The following HTT variants were observed in gnomAD, a reference collection of about 807,000 sequenced individuals.
HTT encodes the protein huntingtin, also known as huntington disease protein.
HTT carries 104 observed loss-of-function variants against 362.3 expected under a neutral mutation model. The observed-to-expected ratio is 0.29, with a 90% CI of 0.24 to 0.34. HTT has a LOEUF of 0.34. HTT is among the 10% of genes least tolerant of loss of function. HTT has a pLI of 1.00. For missense variants in HTT, 3,301 were observed against 3,928.6 expected, an observed-to-expected ratio of 0.84 and a Z score of 4.27; for synonymous variants, 1,577 against 1,548.7, an observed-to-expected ratio of 1.02 and a Z score of -0.43.
chr4:3,121,472 C>G, intron 9 of HTT, 40 bp downstream of exon 9: 5 of 1,378,748 alleles, frequency 3.6e-6, no homozygotes, highest in Non-Finnish European at 5.2e-6. Flanking sequence ...ATTAACTTTG[C>G]AGTAATACTA....
rs750079057 is a variant in HTT, at chr4:3,220,314, C to T, written c.7369+6C>T. On this transcript the variant is annotated splice_donor_region_variant and intron_variant, in intron 53 of 66. Transcript: ENST00000355072. ...CTACCGCATCAACACACTAGGTACTCTTGGGGCCTCTCCTTCAGGTCACCA... is the reference window on the plus strand; with the variant it reads ...CTACCGCATCAACACACTAGGTACTTTTGGGGCCTCTCCTTCAGGTCACCA... 2 of 1,610,290 alleles carry T rather than the reference C, an allele frequency of 1.2e-6. No individual in the cohort carries two copies. Among genetic ancestry groups the T allele is most frequent in the South Asian group, 2.2e-5 (2 of 90,990 alleles).
intron 2 of HTT, among the ~76,000 whole-genome samples, chr4:3,097,987 A>G (rs1713948137): frequency 6.6e-6 from 1 of 152,246 alleles, no homozygotes; most frequent in African/African-American, 2.4e-5. Context: ...TTATTTCTTC[A>G]CATTAATTAC....
chr4:3,209,398 A>T (rs79364509), intron 46 of HTT, among the ~76,000 whole-genome samples: 169 of 152,312 alleles, frequency 1.1e-3, no homozygotes, highest in African/African-American at 3.8e-3. Flanking sequence ...TCAGCTTATG[A>T]ATATGAATTT....
intron 33 of HTT, among the ~76,000 whole-genome samples, 200 bp from the exon 34 acceptor site, chr4:3,177,132 T>C (rs1055959744): frequency 6.6e-6 from 1 of 152,234 alleles, no homozygotes; most frequent in African/African-American, 2.4e-5. Context: ...CCTCAGGGTA[T>C]AGTAAAGTTG....
intron 51 of HTT, among the ~76,000 whole-genome samples, chr4:3,215,835 A>G (rs1159669762): frequency 6.6e-6 from 1 of 152,172 alleles, no homozygotes; most frequent in Non-Finnish European, 1.5e-5. Context: ...AAATGGTGGC[A>G]GTGCCTGTTG....
chr4:3,074,910 CAG>C lies in HTT; in HGVS notation c.86_87del (p.Gln29ProfsTer53). 6.7e-7 allele frequency: 1 copy of C among 1,498,928 alleles called. No individual in the cohort carries two copies. Among genetic ancestry groups the C allele is most frequent in the Non-Finnish European group, 8.9e-7 (1 of 1,128,884 alleles). The allele number at this position is 1,498,928 out of a possible 1,614,324, so 92.9% of individuals were successfully genotyped here. A position where few individuals can be genotyped will look rare whatever the true frequency, so the allele number is the denominator to read the frequency against. On this transcript the variant is annotated frameshift_variant, in exon 1 of 67. Transcript: ENST00000355072. LOFTEE classifies it high-confidence loss of function. ...QQQQQQQQQQ[Q>X]QQQQQQQQQP... ...GCAGCAGCAGCAGCAGCAGCAGCAGCAGCAGCAGCAGCAGCAGCAGCAGCAAC... is the reference window on the plus strand; with the variant it reads ...GCAGCAGCAGCAGCAGCAGCAGCAGCCAGCAGCAGCAGCAGCAGCAGCAAC...
Position 3,187,632 on chromosome 4 carries a change from T to G in HTT, c.4990-19T>G. ...TCCTTTTTTCTTCAGCTGTGACTTA[T>G]GTATTATGTTTATTTTAGGCGTCCG... is the stretch of plus-strand genomic sequence containing the variant. On this transcript the variant is annotated intron_variant, in intron 38 of 66. Transcript: ENST00000355072. The G allele has an allele frequency of 6.4e-7, 1 of 1,560,318 alleles. No individual in the cohort carries two copies. The highest frequency in any genetic ancestry group is 2.2e-5 in the East Asian group (1 of 44,612).
At chr4:3,145,492 GC>G (rs2110203133) in intron 24 of HTT, among the ~76,000 whole-genome samples, 2 of 152,284 alleles carry the variant, frequency 1.3e-5, no homozygotes, top group South Asian at 4.1e-4. Context: ...ATTTTCATAT[GC>G]TGGCAAAAGG....
intron 37 of HTT, among the ~76,000 whole-genome samples, chr4:3,183,741 G>A (rs771967796): frequency 6.6e-6 from 1 of 152,162 alleles, no homozygotes; most frequent in Non-Finnish European, 1.5e-5. Context: ...TCTTTTCTGT[G>A]CGTAATCTGA....
chr4:3,180,534 C>G lies in HTT; in HGVS notation c.4632C>G (p.Pro1544=), dbSNP rs1159541062. Residue 1544 remains proline (P), a synonymous_variant, in exon 36 of 67, where the codon CCC becomes CCG. Coordinates refer to ENST00000355072, the MANE Select transcript of HTT (RefSeq NM_001388492.1). ...AVTHAIPALQ[P]IVHDLFVLRG... The stretch of plus-strand genomic sequence containing the variant: ...CCACAGCCATACCGGCTCTGCAGCC[C>G]ATAGTCCACGACCTCTTTGTATTAA... 2.5e-6 allele frequency: 4 copies of G among 1,609,514 alleles called. No homozygotes were observed. The African/African-American group carries it at 4.0e-5, about 16-fold the overall frequency.
chr4:3,175,171 G>C (rs180899671), intron 33 of HTT, 64 bp downstream of exon 33: 760 of 1,422,560 alleles, frequency 5.3e-4, no homozygotes, highest in Admixed American at 1.6e-3. Flanking sequence ...TACCCTAAAA[G>C]ACACTGAAAT....
Position 3,223,493 on chromosome 4 carries a change from G to A in HTT, c.7558G>A (p.Gly2520Ser), listed in dbSNP as rs200676186. ...VLSAMTVPVA[G>S]NPAVSCLEQQ... ...CAGTGCAATGACTGTGCCTGTGGCCGGCAACCCAGCTGTAAGCTGCTTGGA... is the reference window on the plus strand; with the variant it reads ...CAGTGCAATGACTGTGCCTGTGGCCAGCAACCCAGCTGTAAGCTGCTTGGA... The change falls in exon 55 of 67, where the codon GGC (glycine) becomes AGC (serine). Residue 2520 changes from glycine (G) to serine (S), a missense_variant. Around this residue, in one of 4 missense-constraint regions of HTT, gnomAD observed 753 missense variants for 1,021.3 expected, o/e 0.74. Transcript: ENST00000355072. 1 of 1,613,920 alleles carries A rather than the reference G, an allele frequency of 6.2e-7. No individual in the cohort carries two copies. Among genetic ancestry groups the A allele is most frequent in the Non-Finnish European group, 8.5e-7 (1 of 1,179,922 alleles).
intron 56 of HTT, among the ~76,000 whole-genome samples, chr4:3,225,145 C>T (rs1005483593): frequency 4.0e-5 from 6 of 151,336 alleles, no homozygotes; most frequent in African/African-American, 1.5e-4. Flanking sequence ...AGGAGGCTGG[C>T]CTGGGGCGTG....
Position 3,242,484 on chromosome 4 carries a change from CT to C in HTT, c.*2427del, listed in dbSNP as rs1390800527. ...GCCTCTAAGAGTGCCCGTGTCGGTT[CT>C]TCCTGGAAGTTGACTTTCCTTAGAC... On this transcript the variant is annotated 3_prime_UTR_variant, in exon 67 of 67. Transcript: ENST00000355072. 2 of 152,254 alleles carry C rather than the reference CT, an allele frequency of 1.3e-5. No homozygotes were observed. Among genetic ancestry groups the C allele is most frequent in the Non-Finnish European group, 2.9e-5 (2 of 68,058 alleles). 9.4% of individuals were successfully genotyped at this position (152,254 alleles called of 1,614,324 possible).
At chr4:3,192,214 A>G (rs899563644) in intron 40 of HTT, among the ~76,000 whole-genome samples, 4 of 152,174 alleles carry the variant, frequency 2.6e-5, no homozygotes, top group South Asian at 2.1e-4. Context: ...AGCTGAGACA[A>G]TAGGCATGTA....
chr4:3,178,413 A>G lies in HTT; in HGVS notation c.4579A>G (p.Ile1527Val). 6.2e-7 allele frequency: 1 copy of G among 1,613,952 alleles called. No individual in the cohort carries two copies. Among genetic ancestry groups the G allele is most frequent in the South Asian group, 1.1e-5 (1 of 91,060 alleles). ...TAAAATCATTCAGCTCTGTGATGGC[A>G]TCATGGCCAGTGGAAGGAAGGCTGT... ...IPKIIQLCDG[I>V]MASGRKAVTH... The change falls in exon 35 of 67, where the codon ATC becomes GTC. Residue 1527 changes from isoleucine to valine, a missense_variant. This residue lies in a region of HTT where 2,316 missense variants were observed against 2,658.5 expected (regional missense o/e 0.87). Coordinates refer to ENST00000355072, the MANE Select transcript of HTT (RefSeq NM_001388492.1).
At chr4:3,109,096 C>T (rs1247653389) in intron 6 of HTT, among the ~76,000 whole-genome samples, 1 of 151,654 alleles carries the variant, frequency 6.6e-6, no homozygotes. Context: ...CAATGAAATT[C>T]AGTAGTACCA....
At position 3,195,549 on chromosome 4, in the gene HTT, G is replaced by A. The variant is rs185610960; in HGVS notation, c.5369-4183G>A. On this transcript the variant is annotated intron_variant, in intron 40 of 66. Coordinates refer to ENST00000355072, the MANE Select transcript of HTT (RefSeq NM_001388492.1). Reference sequence around the variant, plus strand: ...TGCCTTCTTTCTGTCTCAGACTGCTGCTCATCACTACTCGGGACCCTAGGA... The same window carrying A: ...TGCCTTCTTTCTGTCTCAGACTGCTACTCATCACTACTCGGGACCCTAGGA... Among the ~76,000 whole-genome samples, 171 of 152,058 alleles carry A rather than the reference G, an allele frequency of 1.1e-3. 1 individual carries two copies. The highest frequency in any genetic ancestry group is 3.8e-3 in the African/African-American group (158 of 41,468).
intron 40 of HTT, among the ~76,000 whole-genome samples, chr4:3,193,238 A>T (rs541689765): frequency 1.3e-5 from 2 of 152,272 alleles, no homozygotes; most frequent in Non-Finnish European, 2.9e-5. Flanking sequence ...TTTAATTTTC[A>T]TAGTGGACTC....
Sources: gnomAD v4.1 joint callset for allele counts (sites outside exome capture counted in the v4.1 genomes callset) on GRCh38, gnomAD v4.1.1 for gene constraint, gnomAD v4.1.1 regional missense constraint, MANE v1.5 for transcripts, NCBI Gene and HGNC (gene_info 2026-07-23, HGNC 2026-07-21) for gene names.